Variants in KDM1B observed in about 807,000 individuals in gnomAD.
The protein encoded by KDM1B is lysine-specific histone demethylase 2.
In KDM1B, 63 loss-of-function variants were observed where a neutral mutation model predicts 107.4. That is an observed-to-expected ratio of 0.59 (90% CI 0.48 to 0.72). The LOEUF (loss-of-function observed/expected upper bound fraction) is 0.72. Ranked by LOEUF, KDM1B falls within the 30% of genes least tolerant of loss-of-function variation. KDM1B has a pLI of 0.00. For missense variants in KDM1B, 749 were observed against 1,020.8 expected, an observed-to-expected ratio of 0.73 and a Z score of 3.63; for synonymous variants, 363 against 363.9, an observed-to-expected ratio of 1.00 and a Z score of 0.03.
chr6:18,160,816 TG>T (rs1784921250), intron 3 of KDM1B, among the ~76,000 whole-genome samples: 1 of 146,068 alleles, frequency 6.8e-6, no homozygotes. Context: ...TTTTTTTTTT[TG>T]ACTCATGTCA....
rs1025066466 is a variant in KDM1B, at chr6:18,162,170, A to G, written c.216-665A>G. On this transcript the variant is annotated intron_variant, in intron 4 of 21. Transcript: ENST00000650836. The surrounding 1 kb of genome is among the most constrained non-coding windows in gnomAD (Gnocchi z 4.1). The stretch of plus-strand genomic sequence containing the variant: ...ACCCTGTCTCTACTAAAAATACACA[A>G]ATTAGCTGGGCACGGTGGCAGAAGC... 6.6e-6 allele frequency among the ~76,000 whole-genome samples: 1 copy of G among 151,932 alleles called. No homozygotes were observed. Among genetic ancestry groups the G allele is most frequent in the Admixed American group, 6.6e-5 (1 of 15,252 alleles).
chr6:18,206,786 C>T (rs868107122), intron 15 of KDM1B, among the ~76,000 whole-genome samples: 1 of 152,026 alleles, frequency 6.6e-6, no homozygotes, highest in Non-Finnish European at 1.5e-5. Flanking sequence ...TCTGTGGAAC[C>T]GTGGAGTCGG....
At position 18,203,580 on chromosome 6, in the gene KDM1B, C is replaced by T. The variant is rs111404908; in HGVS notation, c.1531+1923C>T. Among the ~76,000 whole-genome samples, 5,456 of 152,148 alleles carry T rather than the reference C, an allele frequency of 0.036. 276 individuals are homozygous for T. The highest frequency in any genetic ancestry group is 0.11 in the African/African-American group (4,647 of 41,490). On this transcript the variant is annotated intron_variant, in intron 14 of 21. Coordinates refer to ENST00000650836, the MANE Select transcript of KDM1B (RefSeq NM_001364614.2). The surrounding 1 kb of genome is among the most constrained non-coding windows in gnomAD (Gnocchi z 5.5). ...CATAAAAATCACACTGTGCTGGGCG[C>T]GGTGGCTAACGCCTGTAATCTCAGC...
chr6:18,193,256 T>G (rs905316016), intron 10 of KDM1B, among the ~76,000 whole-genome samples: 27 of 143,236 alleles, frequency 1.9e-4, no homozygotes, highest in Non-Finnish European at 4.0e-4. Flanking sequence ...AACATAAATA[T>G]ATTGGCTTTA....
rs1210473697 is a variant in KDM1B, at chr6:18,186,345, A to C, written c.573+535A>C. 6.6e-6 allele frequency among the ~76,000 whole-genome samples: 1 copy of C among 152,206 alleles called. No individual in the cohort carries two copies. On this transcript the variant is annotated intron_variant, in intron 8 of 21. Coordinates refer to ENST00000650836, the MANE Select transcript of KDM1B (RefSeq NM_001364614.2). The surrounding 1 kb of genome is among the most constrained non-coding windows in gnomAD (Gnocchi z 5.6). ...ATAAGACTTTGCTACCTGAGTTGAC[A>C]AACTTCAGTGTACCATGTAACCAGA...
Position 18,209,245 on chromosome 6 carries a change from GA to G in KDM1B, c.1866+1040del, listed in dbSNP as rs1404208494. Among the ~76,000 whole-genome samples the G allele has an allele frequency of 5.3e-5, 8 of 152,164 alleles. No individual in the cohort carries two copies. Among genetic ancestry groups the G allele is most frequent in the Non-Finnish European group, 1.5e-5 (1 of 68,032 alleles). On this transcript the variant is annotated intron_variant, in intron 17 of 21. Coordinates refer to ENST00000650836, the MANE Select transcript of KDM1B (RefSeq NM_001364614.2). The surrounding 1 kb of genome is among the most constrained non-coding windows in gnomAD (Gnocchi z 4.3). Reference sequence around the variant, plus strand: ...AAAGGTGCCTCCTTGGGGTAGAGGGGATTTAGTAAACCTTGAAAATTTAAGT... The same window carrying G: ...AAAGGTGCCTCCTTGGGGTAGAGGGGTTTAGTAAACCTTGAAAATTTAAGT...
chr6:18,163,732 G>A (rs1339301372), intron 5 of KDM1B, among the ~76,000 whole-genome samples: 1 of 152,076 alleles, frequency 6.6e-6, no homozygotes, highest in Non-Finnish European at 1.5e-5. Context: ...GACACCTCCA[G>A]CAATTTTTCT....
Position 18,191,633 on chromosome 6 carries a change from C to G in KDM1B, c.969+252C>G, listed in dbSNP as rs977717533. Among the ~76,000 whole-genome samples, 18 of 152,152 alleles carry G rather than the reference C, an allele frequency of 1.2e-4. No individual in the cohort carries two copies. The highest frequency in any genetic ancestry group is 4.3e-4 in the African/African-American group (18 of 41,424). On this transcript the variant is annotated intron_variant, in intron 10 of 21. Transcript: ENST00000650836. This position sits in a 1 kb window ranked among gnomAD's most constrained non-coding sequence, Gnocchi z 5.1. ...TGTGAAAACCAAATACGTCTATAGA[C>G]ATTTCCAAATGGGGACAGAATCACC... is the stretch of plus-strand genomic sequence containing the variant.
chr6:18,217,374 C>T (rs947435866), intron 20 of KDM1B, among the ~76,000 whole-genome samples: 7 of 142,584 alleles, frequency 4.9e-5, no homozygotes, highest in Admixed American at 4.5e-4. Context: ...TGTCTATCTC[C>T]CTTCTTTTTT....
intron 17 of KDM1B, among the ~76,000 whole-genome samples, chr6:18,210,355 T>TG (rs1788758100): frequency 6.3e-5 from 3 of 47,960 alleles, no homozygotes; most frequent in Non-Finnish European, 1.2e-4. Flanking sequence ...TTTTTTTTTT[T>TG]TTTTTTTTTT....
intron 5 of KDM1B, among the ~76,000 whole-genome samples, chr6:18,164,205 G>T (rs1279273732): frequency 6.6e-6 from 1 of 152,002 alleles, no homozygotes; most frequent in East Asian, 1.9e-4. Flanking sequence ...TGGACTCACT[G>T]TAACTTCCAC....
At chr6:18,166,810 C>T (rs1314170236) in intron 6 of KDM1B, among the ~76,000 whole-genome samples, 1 of 150,650 alleles carries the variant, frequency 6.6e-6, no homozygotes, top group East Asian at 1.9e-4. Flanking sequence ...GCTATGATTA[C>T]ACCACTACAC....
Position 18,222,029 on chromosome 6 carries a change from T to C in KDM1B, c.*37T>C. ...ACCCAGCTTTCTTCTGTACCCCAGA[T>C]GGGGAAATTTGAATCACATGTTAAA... On this transcript the variant is annotated 3_prime_UTR_variant, in exon 22 of 22. Transcript: ENST00000650836. 1 of 1,573,350 alleles carries C rather than the reference T, an allele frequency of 6.4e-7. No individual in the cohort carries two copies. The highest frequency in any genetic ancestry group is 1.1e-5 in the South Asian group (1 of 90,268).
chr6:18,185,944 G>T, intron 8 of KDM1B, 134 bp downstream of exon 8: 1 of 797,914 alleles, frequency 1.3e-6, no homozygotes, highest in East Asian at 2.5e-5. Context: ...ATCTAACATG[G>T]TAACTATATT....
intron 10 of KDM1B, among the ~76,000 whole-genome samples, chr6:18,196,345 T>TG (rs1277437269): frequency 1.3e-5 from 2 of 152,160 alleles, no homozygotes; most frequent in African/African-American, 4.8e-5. Context: ...TACCCTGCAG[T>TG]GGGGGTTGCT....
chr6:18,177,449 A>G (rs920822604), intron 7 of KDM1B, among the ~76,000 whole-genome samples: 1 of 145,070 alleles, frequency 6.9e-6, no homozygotes, highest in Non-Finnish European at 1.5e-5. Flanking sequence ...TTTTGTTTCA[A>G]TTTCATTTAG....
chr6:18,199,808 G>C (rs1787916906), intron 12 of KDM1B, among the ~76,000 whole-genome samples: 1 of 151,772 alleles, frequency 6.6e-6, no homozygotes, highest in Non-Finnish European at 1.5e-5. Context: ...ACCTAAAGAA[G>C]TTTTTAACTG....
At position 18,212,397 on chromosome 6, in the gene KDM1B, C is replaced by A; in HGVS notation, c.1867-91C>A. ...TGCACATGGCAGCCCTTGTTCTTGC[C>A]AGTATAACAGCATGGGTTGTTGATA... On this transcript the variant is annotated intron_variant, in intron 17 of 21. Transcript: ENST00000650836. The surrounding 1 kb of genome is among the most constrained non-coding windows in gnomAD (Gnocchi z 5.2). 1 of 827,620 alleles carries A rather than the reference C, an allele frequency of 1.2e-6. No individual in the cohort carries two copies. Among genetic ancestry groups the A allele is most frequent in the East Asian group, 2.4e-5 (1 of 41,300 alleles). The allele number at this position is 827,620 out of a possible 1,614,324, so 51.3% of individuals were successfully genotyped here.
Position 18,217,754 on chromosome 6 carries a change from T to C in KDM1B, c.2254T>C (p.Tyr752His). 6.2e-7 allele frequency: 1 copy of C among 1,612,762 alleles called. No homozygotes were observed. The highest frequency in any genetic ancestry group is 8.5e-7 in the Non-Finnish European group (1 of 1,179,660). Residue 752 changes from tyrosine (Y) to histidine (H), a missense_variant, in exon 21 of 22, where the codon TAT becomes CAT. By Grantham distance (83) the Tyr-to-His change is moderately conservative (BLOSUM62 2). Transcript: ENST00000650836. ...ATAGGAGGTCCCAGATCCCACAAAG[T>C]ATTTTGTCACTCGGTGGAGCACAGA... ...KEQEVPDPTK[Y>H]FVTRWSTDPW...
Sources: allele counts gnomAD v4.1 joint callset (sites outside exome capture counted in the v4.1 genomes callset), GRCh38; gene constraint gnomAD v4.1.1; non-coding constraint Gnocchi (gnomAD v3.1); transcripts MANE v1.5; gene names NCBI Gene and HGNC (gene_info 2026-07-23, HGNC 2026-07-21).